Variants in C13orf46 observed in about 807,000 individuals in gnomAD.
C13orf46 encodes uncharacterized protein C13orf46.
intron 6 of C13orf46, among the ~76,000 whole-genome samples, chr13:113,957,511 T>C (rs2052547761): frequency 7.1e-6 from 1 of 140,138 alleles, no homozygotes; most frequent in Non-Finnish European, 1.5e-5. Flanking sequence ...TGCACCCCCT[T>C]TCATCAAGCA....
chr13:113,934,560 A>G, the C13orf46 span, among the ~76,000 whole-genome samples: 3 of 152,258 alleles, frequency 2.0e-5, no homozygotes, highest in Non-Finnish European at 4.4e-5. Context: ...AGGTGCCAAG[A>G]CAACTCAATG....
chr13:113,938,392 G>A, the C13orf46 span, among the ~76,000 whole-genome samples: 10 of 152,186 alleles, frequency 6.6e-5, no homozygotes, highest in African/African-American at 2.4e-4. Context: ...TGGTGGAGAA[G>A]CCACTGCTTT....
At chr13:113,943,925 A>C in the C13orf46 span, among the ~76,000 whole-genome samples, 1 of 151,836 alleles carries the variant, frequency 6.6e-6, no homozygotes, top group African/African-American at 2.4e-5. Context: ...TCCTCCACAC[A>C]CTCATCGTGG....
intron 6 of C13orf46, among the ~76,000 whole-genome samples, chr13:113,958,579 C>G (rs2052561463): frequency 6.6e-6 from 1 of 152,244 alleles, no homozygotes; most frequent in Non-Finnish European, 1.5e-5. Context: ...TGTGATTCTG[C>G]ATGCGCCCAG....
At chr13:113,952,505 G>A (rs1421087528), downstream of C13orf46, among the ~76,000 whole-genome samples, 2 of 152,196 alleles carry the variant, frequency 1.3e-5, no homozygotes, top group African/African-American at 2.4e-5. Flanking sequence ...AGCCTGGGAG[G>A]GCTCTGACAG....
At chr13:113,951,809 G>A (rs982999774), downstream of C13orf46, among the ~76,000 whole-genome samples, 3 of 152,224 alleles carry the variant, frequency 2.0e-5, no homozygotes, top group Non-Finnish European at 2.9e-5. Context: ...GACTGTCTAC[G>A]ACGCCCAGAG....
intron 2 of C13orf46, among the ~76,000 whole-genome samples, chr13:113,969,606 T>C (rs1034941785): frequency 2.6e-5 from 4 of 152,212 alleles, no homozygotes; most frequent in East Asian, 3.9e-4. Flanking sequence ...AAATCGACTT[T>C]GTTAGATCTG....
At chr13:113,929,726 G>GC in the C13orf46 span, among the ~76,000 whole-genome samples, 5 of 152,320 alleles carry the variant, frequency 3.3e-5, no homozygotes, top group East Asian at 1.9e-4. Flanking sequence ...TCACATTGGA[G>GC]CCCCCCTCTG....
chr13:113,929,712 T>C, the C13orf46 span, among the ~76,000 whole-genome samples: 14 of 152,200 alleles, frequency 9.2e-5, no homozygotes, highest in African/African-American at 3.4e-4. Flanking sequence ...CACAAGCAAC[T>C]GGTTCACATT....
At chr13:113,951,402 C>CGTGGACT (rs1332524523), downstream of C13orf46, among the ~76,000 whole-genome samples, 63 of 152,290 alleles carry the variant, frequency 4.1e-4, no homozygotes, top group South Asian at 2.1e-3. Context: ...GACGTCCCTT[C>CGTGGACT]GTGGACTGCG....
chr13:113,973,046 G>A (rs1160096892), intron 1 of C13orf46, among the ~76,000 whole-genome samples: 1 of 152,234 alleles, frequency 6.6e-6, no homozygotes, highest in Non-Finnish European at 1.5e-5. Flanking sequence ...GGCCCGGCCC[G>A]GTCCCTGCTG....
At chr13:113,942,578 G>T in the C13orf46 span, among the ~76,000 whole-genome samples, 17 of 152,166 alleles carry the variant, frequency 1.1e-4, no homozygotes, top group Admixed American at 3.3e-4. Flanking sequence ...CAAATGGGCT[G>T]GACTTCATAC....
chr13:113,933,874 G>T, the C13orf46 span, among the ~76,000 whole-genome samples: 1 of 152,184 alleles, frequency 6.6e-6, no homozygotes, highest in Non-Finnish European at 1.5e-5. Context: ...ACTGATATGG[G>T]CACCACGCAA....
At chr13:113,951,097 G>A (rs1375832643), downstream of C13orf46, among the ~76,000 whole-genome samples, 1 of 152,252 alleles carries the variant, frequency 6.6e-6, no homozygotes, top group Non-Finnish European at 1.5e-5. Context: ...GCCCTCATGG[G>A]CGTGTGGTCC....
At chr13:113,939,554 C>G in the C13orf46 span, among the ~76,000 whole-genome samples, 1 of 152,174 alleles carries the variant, frequency 6.6e-6, no homozygotes, top group Non-Finnish European at 1.5e-5. Context: ...ATGGGGAGGG[C>G]GGCACCACTC....
At chr13:113,948,616 C>T in the C13orf46 span, among the ~76,000 whole-genome samples, 3 of 152,154 alleles carry the variant, frequency 2.0e-5, no homozygotes, top group South Asian at 4.1e-4. Context: ...AAAAGAGCTC[C>T]GCCCCTCAAC....
downstream of C13orf46, among the ~76,000 whole-genome samples, chr13:113,950,863 C>G (rs1038980522): frequency 2.2e-4 from 34 of 152,220 alleles, no homozygotes; most frequent in Admixed American, 2.0e-3. Context: ...CCTTCAGAAC[C>G]AGAGCCAGAG....
chr13:113,964,009 C>T (rs2052613961), intron 6 of C13orf46, among the ~76,000 whole-genome samples: 1 of 152,102 alleles, frequency 6.6e-6, no homozygotes, highest in Non-Finnish European at 1.5e-5. Flanking sequence ...TGTCACCACG[C>T]CCAGCTAATT....
At chr13:113,946,499 T>C in the C13orf46 span, among the ~76,000 whole-genome samples, 7 of 152,192 alleles carry the variant, frequency 4.6e-5, no homozygotes, top group Admixed American at 1.3e-4. Flanking sequence ...GCCAGGAGGC[T>C]GTGTGGGTCG....
Sources: allele counts gnomAD v4.1 joint callset (sites outside exome capture counted in the v4.1 genomes callset), GRCh38; gene constraint gnomAD v4.1.1; transcripts MANE v1.5; gene names NCBI Gene and HGNC (gene_info 2026-07-23, HGNC 2026-07-21).